TRAPPC10: variants seen among roughly 807,000 people sequenced by gnomAD.
TRAPPC10 encodes trafficking protein particle complex subunit 10.
Under a neutral mutation model 125.5 loss-of-function variants are expected in TRAPPC10, and 23 were observed. The observed-to-expected ratio is 0.18, with a 90% confidence interval of 0.13 to 0.26. TRAPPC10 has a LOEUF of 0.26. Ranked by LOEUF, TRAPPC10 falls within the 10% of genes least tolerant of loss-of-function variation. TRAPPC10 has a pLI of 1.00. For missense variants in TRAPPC10, 1,123 were observed against 1,308.4 expected, an observed-to-expected ratio of 0.86 and a Z score of 2.19; for synonymous variants, 509 against 518.0, an observed-to-expected ratio of 0.98 and a Z score of 0.24.
At position 44,077,794 on chromosome 21, in the gene TRAPPC10, T is replaced by A. The variant is rs779793330; in HGVS notation, c.1469+10T>A. The A allele has an allele frequency of 1.8e-5, 29 of 1,594,460 alleles. No homozygotes were observed. In the East Asian group the frequency reaches 6.3e-4, roughly 35 times the overall value. On this transcript the variant is annotated intron_variant, in intron 11 of 22. Coordinates refer to ENST00000291574, the MANE Select transcript of TRAPPC10 (RefSeq NM_003274.5). ...TGGCAGAGTTTTACATGTAATTGATTTTGTACTTTTCTTTGAATTCTAAAC... is the reference window on the plus strand; with the variant it reads ...TGGCAGAGTTTTACATGTAATTGATATTGTACTTTTCTTTGAATTCTAAAC...
At chr21:44,062,288 C>T (rs146578558) in intron 6 of TRAPPC10, among the ~76,000 whole-genome samples, 11 of 152,282 alleles carry the variant, frequency 7.2e-5, no homozygotes, top group African/African-American at 1.2e-4. Flanking sequence ...AGGCACTGTT[C>T]TAAATACAGG....
chr21:44,084,594 T>C (rs1235834295), intron 15 of TRAPPC10, among the ~76,000 whole-genome samples: 3 of 152,302 alleles, frequency 2.0e-5, no homozygotes, highest in African/African-American at 7.2e-5. Flanking sequence ...GCAGAGGACT[T>C]CTGGGCCCAA....
chr21:44,064,858 A>G (rs575512662), intron 7 of TRAPPC10, among the ~76,000 whole-genome samples: 33 of 152,344 alleles, frequency 2.2e-4, no homozygotes, highest in Admixed American at 1.9e-3. Context: ...AAGAATTTTT[A>G]TCAAATGATT....
rs115532123 is a variant in TRAPPC10 at position 44,047,325 on chromosome 21, C to T, written c.286-4955C>T. ...ATCTTCATGTAGCTTGAAGTATAGGCGTGTGCCACCGTACCCGGCTAATTT... is the reference window on the plus strand; with the variant it reads ...ATCTTCATGTAGCTTGAAGTATAGGTGTGTGCCACCGTACCCGGCTAATTT... On this transcript the variant is annotated intron_variant, in intron 3 of 22. Transcript: ENST00000291574. Among the ~76,000 whole-genome samples the T allele has an allele frequency of 5.1e-3, 771 of 152,190 alleles. 4 individuals carry two copies. The highest frequency in any genetic ancestry group is 0.018 in the African/African-American group (744 of 41,498).
At chr21:44,049,520 T>C (rs1392031708) in intron 3 of TRAPPC10, among the ~76,000 whole-genome samples, 1 of 152,172 alleles carries the variant, frequency 6.6e-6, no homozygotes, top group East Asian at 1.9e-4. Flanking sequence ...GGACTTAAAT[T>C]GAATAAAAAG....
intron 3 of TRAPPC10, among the ~76,000 whole-genome samples, chr21:44,043,593 G>T (rs1385876134): frequency 6.6e-6 from 1 of 151,960 alleles, no homozygotes; most frequent in African/African-American, 2.4e-5. Flanking sequence ...TCCACATGTC[G>T]AGTGTCCAAA....
In TRAPPC10 at chr21:44,063,630, T is replaced by C; in HGVS notation, c.883T>C (p.Ser295Pro). The change falls in exon 7 of 23, where the codon TCG becomes CCG. Residue 295 changes from serine to proline, a missense_variant. Transcript: ENST00000291574. The surrounding 1 kb of genome is among the most constrained non-coding windows in gnomAD (Gnocchi z 4.4). Reference sequence around the variant, plus strand: ...ACCCATAGATATGGAGAAGCGGGAATCGATCCAGAGGCGAGAAGCCACCCT... The same window carrying C: ...ACCCATAGATATGGAGAAGCGGGAACCGATCCAGAGGCGAGAAGCCACCCT... The part of the protein sequence containing the change: ...RKPIDMEKRE[S>P]IQRREATLLD... 6.2e-7 allele frequency: 1 copy of C among 1,614,204 alleles called. No homozygotes were observed. The highest frequency in any genetic ancestry group is 8.5e-7 in the Non-Finnish European group (1 of 1,180,034).
chr21:44,086,763 G>T (rs2038163328), intron 15 of TRAPPC10, 39 bp from the exon 16 acceptor site: 1 of 1,606,844 alleles, frequency 6.2e-7, no homozygotes, highest in Admixed American at 1.7e-5. Context: ...CTGTCTTCCG[G>T]TTGGCAGCGG....
At chr21:44,018,560 G>A (rs944461135) in intron 1 of TRAPPC10, among the ~76,000 whole-genome samples, 13 of 152,070 alleles carry the variant, frequency 8.5e-5, no homozygotes, top group African/African-American at 2.9e-4. Context: ...TTAGCTGGGC[G>A]TGGTGGCTCG....
chr21:44,023,025 CTT>C (rs1028804319), intron 1 of TRAPPC10, among the ~76,000 whole-genome samples: 158 of 80,202 alleles, frequency 2.0e-3, no homozygotes, highest in African/African-American at 8.6e-3. Context: ...TTCCCTATGT[CTT>C]TTTTTTTTTT....
chr21:44,012,961 C>G (rs952682067), intron 1 of TRAPPC10, among the ~76,000 whole-genome samples: 4 of 152,228 alleles, frequency 2.6e-5, no homozygotes, highest in Non-Finnish European at 5.9e-5. Flanking sequence ...CGCGGGCGCC[C>G]TTTCCCCGAC....
Position 44,063,068 on chromosome 21 carries a change from A to T in TRAPPC10, c.791-470A>T. 1 of 1,304,300 alleles carries T rather than the reference A, an allele frequency of 7.7e-7. No individual in the cohort carries two copies. The highest frequency in any genetic ancestry group is 1.2e-5 in the South Asian group (1 of 81,026). 80.8% of individuals were successfully genotyped at this position (1,304,300 alleles called of 1,614,324 possible). A position where few individuals can be genotyped will look rare whatever the true frequency, so the allele number is the denominator to read the frequency against. ...CTTCCTCCAGGAGCTTGACTCAGGG[A>T]CGTGACGTGGTTGAGTTAGGGAAAT... On this transcript the variant is annotated intron_variant, in intron 6 of 22. Transcript: ENST00000291574. The surrounding 1 kb of genome is among the most constrained non-coding windows in gnomAD (Gnocchi z 4.4).
At chr21:44,070,716 T>G (rs898303913) in intron 7 of TRAPPC10, among the ~76,000 whole-genome samples, 2 of 152,208 alleles carry the variant, frequency 1.3e-5, no homozygotes, top group Non-Finnish European at 2.9e-5. Context: ...GTGAGACTCT[T>G]GTTTTTTATT....
chr21:44,058,760 G>A (rs2035805147), intron 5 of TRAPPC10, among the ~76,000 whole-genome samples: 1 of 152,186 alleles, frequency 6.6e-6, no homozygotes, highest in African/African-American at 2.4e-5. Context: ...GGGAGCGAGA[G>A]GAACCAGCCG....
At chr21:44,056,275 C>T (rs920126291) in intron 5 of TRAPPC10, among the ~76,000 whole-genome samples, 5 of 152,074 alleles carry the variant, frequency 3.3e-5, no homozygotes, top group Admixed American at 3.3e-4. Flanking sequence ...CAGAAGAATT[C>T]CACTTAAACG....
chr21:44,075,837 G>A (rs1008223489), intron 9 of TRAPPC10, among the ~76,000 whole-genome samples: 26 of 152,182 alleles, frequency 1.7e-4, no homozygotes, highest in African/African-American at 5.8e-4. Context: ...ATCACCTGAG[G>A]TCAGGAATTC....
chr21:44,081,017 C>CTTTTTTTTTTTTTT (rs67865929), intron 13 of TRAPPC10, among the ~76,000 whole-genome samples: 41 of 97,228 alleles, frequency 4.2e-4, no homozygotes, highest in Non-Finnish European at 6.5e-4. Context: ...TTTTTTTTTT[C>CTTTTTTTTTTTTTT]TTTTTTTTTT....
chr21:44,062,843 C>G (rs2036160002), intron 6 of TRAPPC10: 1 of 985,416 alleles, frequency 1.0e-6, no homozygotes, highest in Non-Finnish European at 1.2e-6. Flanking sequence ...TATGACACCT[C>G]TCTGTTGAAG....
At chr21:44,026,494 A>AGAGAAT (rs1408688868) in intron 1 of TRAPPC10, among the ~76,000 whole-genome samples, 24 of 152,348 alleles carry the variant, frequency 1.6e-4, no homozygotes, top group Admixed American at 6.5e-5. Flanking sequence ...AGAGAAATGA[A>AGAGAAT]TGTATGGCCT....
Sources: allele counts gnomAD v4.1 joint callset (sites outside exome capture counted in the v4.1 genomes callset), GRCh38; gene constraint gnomAD v4.1.1; non-coding constraint Gnocchi (gnomAD v3.1); transcripts MANE v1.5; gene names NCBI Gene and HGNC (gene_info 2026-07-23, HGNC 2026-07-21).